Variants in TACR3 observed in about 807,000 individuals in gnomAD.
The protein encoded by TACR3 is tachykinin receptor 3, also known as neuromedin-K receptor.
A neutral mutation model predicts 35.0 loss-of-function variants in TACR3; 34 were observed. The observed-to-expected ratio is 0.97, with a 90% CI of 0.74 to 1.30. The LOEUF (loss-of-function observed/expected upper bound fraction) is 1.30, where lower values mean the gene tolerates loss of function less well. Ranked by LOEUF, TACR3 falls within the 50% of genes most tolerant of loss-of-function variation. TACR3 has a pLI of 0.00. For missense variants in TACR3, 558 were observed against 591.7 expected, an observed-to-expected ratio of 0.94 and a Z score of 0.59; for synonymous variants, 233 against 221.1, an observed-to-expected ratio of 1.05 and a Z score of -0.48.
At chr4:103,592,228 A>T (rs1723913094) in intron 3 of TACR3, among the ~76,000 whole-genome samples, 1 of 152,192 alleles carries the variant, frequency 6.6e-6, no homozygotes, top group South Asian at 2.1e-4. Context: ...TTATAATCTG[A>T]TATTGGGGAA....
rs867992724 is a variant in TACR3 at position 103,690,648 on chromosome 4, T to C, written c.548+28480A>G. 2.0e-5 allele frequency among the ~76,000 whole-genome samples: 3 copies of C among 152,250 alleles called. No homozygotes were observed. The South Asian group carries it at 6.2e-4, about 32-fold the overall frequency. On this transcript the variant is annotated intron_variant, in intron 1 of 4. Transcript: ENST00000304883. Reference sequence around the variant, plus strand: ...CCTATTAGCCCTGTAATTTATAGAATACTCAATCTAATAGCACCAAAATAC... The same window carrying C: ...CCTATTAGCCCTGTAATTTATAGAACACTCAATCTAATAGCACCAAAATAC...
chr4:103,630,117 T>G (rs921231264), intron 3 of TACR3, among the ~76,000 whole-genome samples: 3 of 152,168 alleles, frequency 2.0e-5, no homozygotes, highest in African/African-American at 7.2e-5. Flanking sequence ...TAAATGGTGC[T>G]GGGGAAACTG....
At chr4:103,651,099 G>C (rs1363435209) in intron 3 of TACR3, among the ~76,000 whole-genome samples, 1 of 146,536 alleles carries the variant, frequency 6.8e-6, no homozygotes, top group East Asian at 2.0e-4. Flanking sequence ...ACTACAATGA[G>C]CAGGTGGCGA....
At chr4:103,636,670 A>T (rs1053802327) in intron 3 of TACR3, among the ~76,000 whole-genome samples, 1 of 152,068 alleles carries the variant, frequency 6.6e-6, no homozygotes, top group Non-Finnish European at 1.5e-5. Context: ...GAAAAGATCA[A>T]CAAAATTGAT....
intron 1 of TACR3, among the ~76,000 whole-genome samples, chr4:103,686,608 G>C (rs1353916213): frequency 6.6e-6 from 1 of 152,160 alleles, no homozygotes; most frequent in Non-Finnish European, 1.5e-5. Flanking sequence ...TAAAATGTCT[G>C]ATTTTTGATA....
At chr4:103,627,135 T>C (rs2110308053) in intron 3 of TACR3, among the ~76,000 whole-genome samples, 1 of 118,882 alleles carries the variant, frequency 8.4e-6, no homozygotes, top group South Asian at 2.8e-4. Flanking sequence ...TGAGCCGAGA[T>C]CATGCCATTG....
chr4:103,593,076 C>A (rs1227267000), intron 3 of TACR3, among the ~76,000 whole-genome samples: 1 of 152,118 alleles, frequency 6.6e-6, no homozygotes, highest in African/African-American at 2.4e-5. Flanking sequence ...TTTTGTATTT[C>A]TGCATTTTAT....
intron 1 of TACR3, among the ~76,000 whole-genome samples, chr4:103,689,459 A>G (rs1001705778): frequency 5.9e-5 from 9 of 152,166 alleles, no homozygotes; most frequent in African/African-American, 2.2e-4. Context: ...GCAATGATTC[A>G]TCAAATACAG....
intron 3 of TACR3, among the ~76,000 whole-genome samples, chr4:103,655,993 C>G (rs1396442522): frequency 1.3e-5 from 2 of 151,872 alleles, no homozygotes; most frequent in Non-Finnish European, 2.9e-5. Flanking sequence ...AATGAATTAA[C>G]TATTATATAA....
At chr4:103,623,276 C>T (rs1177193455) in intron 3 of TACR3, among the ~76,000 whole-genome samples, 1 of 151,884 alleles carries the variant, frequency 6.6e-6, no homozygotes, top group African/African-American at 2.4e-5. Context: ...TAATCTGGTA[C>T]TTTAGTTGGA....
chr4:103,650,656 A>T (rs1435127585), intron 3 of TACR3, among the ~76,000 whole-genome samples: 1 of 46,042 alleles, frequency 2.2e-5, no homozygotes, highest in Non-Finnish European at 3.3e-5. Flanking sequence ...ATATATATAA[A>T]TATATATAAA....
intron 1 of TACR3, among the ~76,000 whole-genome samples, chr4:103,680,477 A>G (rs1722018624): frequency 7.0e-6 from 1 of 143,354 alleles, no homozygotes; most frequent in Admixed American, 7.0e-5. Flanking sequence ...TGATATATAT[A>G]TATATATATA....
chr4:103,631,062 C>A (rs952201469), intron 3 of TACR3, among the ~76,000 whole-genome samples: 2 of 152,108 alleles, frequency 1.3e-5, no homozygotes, highest in Non-Finnish European at 2.9e-5. Context: ...TCATTCTCAG[C>A]AAACTATCAC....
intron 3 of TACR3, among the ~76,000 whole-genome samples, chr4:103,606,513 T>C (rs1005418814): frequency 1.3e-5 from 2 of 152,228 alleles, no homozygotes; most frequent in Admixed American, 6.5e-5. Flanking sequence ...AGCAGTGGTT[T>C]GTAGTTCTCC....
At chr4:103,677,800 C>A (rs1050806151) in intron 1 of TACR3, among the ~76,000 whole-genome samples, 1 of 151,938 alleles carries the variant, frequency 6.6e-6, no homozygotes, top group Non-Finnish European at 1.5e-5. Flanking sequence ...TTTGGCAAAC[C>A]ACCATGGTAC....
At chr4:103,697,095 A>G (rs1258728103) in intron 1 of TACR3, among the ~76,000 whole-genome samples, 1 of 152,110 alleles carries the variant, frequency 6.6e-6, no homozygotes, top group African/African-American at 2.4e-5. Context: ...AGCCATTTTT[A>G]AAAATGGCAT....
At chr4:103,696,421 A>G (rs2110220024) in intron 1 of TACR3, among the ~76,000 whole-genome samples, 1 of 152,248 alleles carries the variant, frequency 6.6e-6, no homozygotes, top group East Asian at 1.9e-4. Context: ...GAAATAAAAC[A>G]TTTTATTTCT....
At chr4:103,599,459 C>T (rs1724133610) in intron 3 of TACR3, among the ~76,000 whole-genome samples, 1 of 152,208 alleles carries the variant, frequency 6.6e-6, no homozygotes, top group Non-Finnish European at 1.5e-5. Flanking sequence ...CTTCTCCTGT[C>T]TGATTGCCCT....
intron 3 of TACR3, among the ~76,000 whole-genome samples, chr4:103,615,402 A>T (rs71621653): frequency 0.16 from 7,984 of 49,960 alleles, 665 homozygotes; most frequent in African/African-American, 0.42. Context: ...TGTGTGTGAG[A>T]GAGAGAGAGA....
Sources: gnomAD v4.1 joint callset for allele counts (sites outside exome capture counted in the v4.1 genomes callset) on GRCh38, gnomAD v4.1.1 for gene constraint, MANE v1.5 for transcripts, NCBI Gene and HGNC (gene_info 2026-07-23, HGNC 2026-07-21) for gene names.